Variants in DMPK observed in about 807,000 individuals in gnomAD.
DMPK encodes DM1 protein kinase, also known as myotonin-protein kinase.
In DMPK, 32 loss-of-function variants were observed where a neutral mutation model predicts 70.3. The observed-to-expected ratio is 0.46, with a 90% CI of 0.34 to 0.61. The LOEUF (loss-of-function observed/expected upper bound fraction) is 0.61, where lower values mean the gene tolerates loss of function less well. Ranked by LOEUF, DMPK falls within the 20% of genes least tolerant of loss-of-function variation. The pLI, the probability that DMPK is intolerant of heterozygous loss-of-function variation, is 0.01. For missense variants in DMPK, 899 were observed against 886.0 expected, an observed-to-expected ratio of 1.01 and a Z score of -0.19; for synonymous variants, 469 against 390.9, an observed-to-expected ratio of 1.20 and a Z score of -2.36.
At chr19:45,774,260 T>C in intron 9 of DMPK, among the ~76,000 whole-genome samples, 1 of 115,916 alleles carries the variant, frequency 8.6e-6, no homozygotes, top group East Asian at 2.7e-4. Flanking sequence ...CCTAAATAAA[T>C]ACTTTTTTTT....
At chr19:45,778,704 C>T in intron 4 of DMPK, 63 bp from the exon 5 acceptor site, 2 of 1,541,008 alleles carry the variant, frequency 1.3e-6, no homozygotes, top group Non-Finnish European at 1.8e-6. Context: ...TCACGGATGG[C>T]TGGGACAACC....
chr19:45,779,727 T>G, intron 2 of DMPK, 51 bp downstream of exon 2: 9 of 773,728 alleles, frequency 1.2e-5, no homozygotes, highest in Non-Finnish European at 1.6e-5. Flanking sequence ...CCCCAACCCC[T>G]ATGCCCCGCC....
chr19:45,780,412 G>T (rs778309745), intron 1 of DMPK: 2 of 1,382,948 alleles, frequency 1.4e-6, no homozygotes, highest in South Asian at 2.4e-5. Context: ...GGGAGACAAA[G>T]GTAGCATGGT....
In DMPK at chr19:45,770,285, C is replaced by T; in HGVS notation, c.*203G>A. 1.3e-6 allele frequency: 1 copy of T among 770,226 alleles called. No individual in the cohort carries two copies. The allele number at this position is 770,226 out of a possible 1,614,324, so 47.7% of individuals were successfully genotyped here. A position where few individuals can be genotyped will look rare whatever the true frequency, so the allele number is the denominator to read the frequency against. ...AGCAGCATTCCCGGCTACAAGGACCCTTCGAGCCCCGTTCGCCGGCCGCGG... is the reference window on the plus strand; with the variant it reads ...AGCAGCATTCCCGGCTACAAGGACCTTTCGAGCCCCGTTCGCCGGCCGCGG... On this transcript the variant is annotated 3_prime_UTR_variant, in exon 15 of 15. Coordinates refer to ENST00000291270, the MANE Select transcript of DMPK (RefSeq NM_004409.5).
rs1050487092 is a variant in DMPK, at chr19:45,770,417, G to A, written c.*71C>T. ...GGTTGTGAACTGGCAGGCGGTGGGC[G>A]CGGCTTCTGTGCCGTGCCCCGGGCA... On this transcript the variant is annotated 3_prime_UTR_variant, in exon 15 of 15. Transcript: ENST00000291270. The A allele has an allele frequency of 2.6e-6, 4 of 1,515,712 alleles. No homozygotes were observed. The African/African-American group carries it at 5.5e-5, about 21-fold the overall frequency. The allele number at this position is 1,515,712 out of a possible 1,614,324, so 93.9% of individuals were successfully genotyped here.
intron 14 of DMPK, 91 bp downstream of exon 14, chr19:45,770,880 C>G (rs1259411870): frequency 9.0e-7 from 1 of 1,111,680 alleles, no homozygotes; most frequent in Non-Finnish European, 1.2e-6. Flanking sequence ...GCCGTGGGCC[C>G]AGCCCCGCAA....
rs1182014238 is a variant in DMPK, at chr19:45,770,478, G to A, written c.*10C>T. The A allele has an allele frequency of 8.4e-6, 13 of 1,550,130 alleles. No individual in the cohort carries two copies. The highest frequency in any genetic ancestry group is 1.1e-5 in the Non-Finnish European group (13 of 1,146,788). On this transcript the variant is annotated 3_prime_UTR_variant, in exon 15 of 15. Coordinates refer to ENST00000291270, the MANE Select transcript of DMPK (RefSeq NM_004409.5). ...CAACGGGGCCCCGGAGTCGAAGACAGTTCTAGGGTTCAGGGAGCGCGGGCG... is the reference window on the plus strand; with the variant it reads ...CAACGGGGCCCCGGAGTCGAAGACAATTCTAGGGTTCAGGGAGCGCGGGCG...
At chr19:45,779,906 C>G (rs756374992) in intron 1 of DMPK, 37 bp from the exon 2 acceptor site, 1 of 1,613,762 alleles carries the variant, frequency 6.2e-7, no homozygotes. Flanking sequence ...CGAGGGTCAC[C>G]AGAAAGGGCA....
At position 45,770,068 on chromosome 19, in the gene DMPK, G is replaced by C; in HGVS notation, c.*420C>G. ...CATGCACAAGAAAGCTTTGCACTTT[G>C]CGAACCAACGATAGGTGGGGGTGCG... On this transcript the variant is annotated 3_prime_UTR_variant, in exon 15 of 15. Coordinates refer to ENST00000291270, the MANE Select transcript of DMPK (RefSeq NM_004409.5). 2.0e-6 allele frequency: 1 copy of C among 493,272 alleles called. No homozygotes were observed. Among genetic ancestry groups the C allele is most frequent in the South Asian group, 1.9e-5 (1 of 51,996 alleles). 30.6% of individuals were successfully genotyped at this position (493,272 alleles called of 1,614,324 possible). A position where few individuals can be genotyped will look rare whatever the true frequency, so the allele number is the denominator to read the frequency against.
chr19:45,779,836 C>T lies in DMPK; in HGVS notation c.194G>A (p.Arg65Gln). 6.3e-7 allele frequency: 1 copy of T among 1,599,644 alleles called. No homozygotes were observed. Among genetic ancestry groups the T allele is most frequent in the Middle Eastern group, 1.7e-4 (1 of 5,978 alleles). Residue 65 changes from arginine (R) to glutamine (Q), a missense_variant, in exon 2 of 15, where the codon CGA (arginine) becomes CAA (glutamine). Physicochemically the swap from Arg to Gln is conservative, Grantham distance 43. Transcript: ENST00000291270. ...AATCTCGAAGTCGTCCCTCTGCAGTCGGACCTCCTTAAGCCTCACCACGAT... is the reference window on the plus strand; with the variant it reads ...AATCTCGAAGTCGTCCCTCTGCAGTTGGACCTCCTTAAGCCTCACCACGAT... ...EPIVVRLKEV[R>Q]LQRDDFEILK...
Position 45,777,981 on chromosome 19 carries a change from G to A in DMPK, c.676-108C>T. 7.9e-7 allele frequency: 1 copy of A among 1,265,046 alleles called. No homozygotes were observed. The highest frequency in any genetic ancestry group is 2.0e-5 in the Admixed American group (1 of 49,534). The allele number at this position is 1,265,046 out of a possible 1,614,324, so 78.4% of individuals were successfully genotyped here. A position where few individuals can be genotyped will look rare whatever the true frequency, so the allele number is the denominator to read the frequency against. On this transcript the variant is annotated intron_variant, in intron 6 of 14. Transcript: ENST00000291270. The surrounding 1 kb of genome is among the most constrained non-coding windows in gnomAD (Gnocchi z 6.7). ...AATGCTTAGCCCCTCCCTCTGCCTG[G>A]TCTAATACTCCGCCACACAGATGCA...
intron 1 of DMPK, chr19:45,780,157 CAGA>C (rs1336530742): frequency 1.3e-5 from 19 of 1,433,830 alleles, no homozygotes; most frequent in East Asian, 1.3e-4. Flanking sequence ...ACGGAGTCTG[CAGA>C]AGGACAGACC....
At chr19:45,778,355 G>T in intron 5 of DMPK, 135 bp from the exon 6 acceptor site, 1 of 1,357,576 alleles carries the variant, frequency 7.4e-7, no homozygotes, top group South Asian at 1.3e-5. Flanking sequence ...CTACAGTTCT[G>T]ACCCCTACTC....
At position 45,775,412 on chromosome 19, in the gene DMPK, G is replaced by A. The variant is rs370554703; in HGVS notation, c.1147-378C>T. On this transcript the variant is annotated intron_variant, in intron 8 of 14. Transcript: ENST00000291270. ...TCCATCTTCTGACCTCAAGTGATCC[G>A]CCTACCTCAGCTGTTGTAGTCCCAA... is the stretch of plus-strand genomic sequence containing the variant. 8.7e-4 allele frequency: 55 copies of A among 62,962 alleles called. 4 individuals are homozygous for A. The highest frequency in any genetic ancestry group is 7.7e-3 in the Middle Eastern group (1 of 130). The allele number at this position is 62,962 out of a possible 1,614,324, so 3.9% of individuals were successfully genotyped here. A position where few individuals can be genotyped will look rare whatever the true frequency, so the allele number is the denominator to read the frequency against.
chr19:45,770,625 G>A lies in DMPK; in HGVS notation c.1753C>T (p.Leu585=), dbSNP rs899650500. 5.2e-6 allele frequency: 8 copies of A among 1,552,386 alleles called. No individual in the cohort carries two copies. The African/African-American group carries it at 5.5e-5, about 11-fold the overall frequency. ...AGGAGCAGGGAAAGCGCCTCCGATA[G>A]GCCAGGCCTAGGGACCTGCGGGGAG... The part of the protein sequence containing the change: ...LLPARVPRPG[L]SEALSLLLFA... Residue 585 remains leucine, a synonymous_variant, in exon 15 of 15, where the codon CTA becomes TTA. Transcript: ENST00000291270.
rs1970171186 is a variant in DMPK at position 45,782,326 on chromosome 19, C to T, written c.27G>A (p.Arg9=). MSAEVRLR[R]LQQLVLDPGF... ...CCGGGTCCAACACCAGCTGCTGGAGCCGCCTCAGCCGCACCTCGGCTGACA... is the reference window on the plus strand; with the variant it reads ...CCGGGTCCAACACCAGCTGCTGGAGTCGCCTCAGCCGCACCTCGGCTGACA... The change falls in exon 1 of 15, where the codon CGG becomes CGA. Residue 9 remains arginine (R), a synonymous_variant. Coordinates refer to ENST00000291270, the MANE Select transcript of DMPK (RefSeq NM_004409.5). The T allele has an allele frequency of 6.3e-7, 1 of 1,581,702 alleles. No homozygotes were observed. The highest frequency in any genetic ancestry group is 8.6e-7 in the Non-Finnish European group (1 of 1,165,046).
chr19:45,779,208 C>T (rs1307342147), intron 4 of DMPK, 56 bp downstream of exon 4: 1 of 1,560,392 alleles, frequency 6.4e-7, no homozygotes, highest in Non-Finnish European at 8.8e-7. Context: ...ACCTCCTCGT[C>T]CAGTGACAGC....
At chr19:45,782,162 ATCT>A in intron 1 of DMPK, 28 bp downstream of exon 1, 3 of 449,934 alleles carry the variant, frequency 6.7e-6, no homozygotes, top group Non-Finnish European at 6.1e-6. Flanking sequence ...CCCCCACCCC[ATCT>A]GCAGGAGCCC....
At chr19:45,774,148 C>T (rs563872372) in intron 9 of DMPK, among the ~76,000 whole-genome samples, 28 of 151,952 alleles carry the variant, frequency 1.8e-4, no homozygotes, top group Admixed American at 1.8e-3. Flanking sequence ...GATGAGGTTT[C>T]TCCACGTTGG....
Sources: allele counts gnomAD v4.1 joint callset (sites outside exome capture counted in the v4.1 genomes callset), GRCh38; gene constraint gnomAD v4.1.1; non-coding constraint Gnocchi (gnomAD v3.1); transcripts MANE v1.5; gene names NCBI Gene and HGNC (gene_info 2026-07-23, HGNC 2026-07-21).